The following POU3F3 variants were observed in gnomAD, a reference collection of about 807,000 sequenced individuals.
POU3F3 encodes POU class 3 homeobox 3.
In POU3F3, 1 loss-of-function variant was observed where a neutral mutation model predicts 8.6. The ratio of observed to expected loss-of-function variants is 0.12; its 90% CI spans 0.04 to 0.55. The LOEUF is 0.55. POU3F3 is among the 20% of genes least tolerant of loss of function. The pLI, the probability that POU3F3 is intolerant of heterozygous loss-of-function variation, is 0.91. For synonymous variants in POU3F3, 418 were observed against 327.4 expected (o/e 1.28, Z -2.99); for missense variants, 577 against 690.7 (o/e 0.84, Z 1.84).
chr2:104,923,327 T>G, the POU3F3 span, among the ~76,000 whole-genome samples: 1 of 152,228 alleles, frequency 6.6e-6, no homozygotes, highest in African/African-American at 2.4e-5. Flanking sequence ...TTTTAAAAAT[T>G]ATTTGTTTGG....
At chr2:104,921,432 TG>T in the POU3F3 span, among the ~76,000 whole-genome samples, 1 of 152,138 alleles carries the variant, frequency 6.6e-6, no homozygotes, top group Non-Finnish European at 1.5e-5. Flanking sequence ...TGCAATTTCC[TG>T]GGGGAAAGCT....
At chr2:104,873,428 CG>C in the POU3F3 span, among the ~76,000 whole-genome samples, 1 of 152,080 alleles carries the variant, frequency 6.6e-6, no homozygotes, top group Non-Finnish European at 1.5e-5. Flanking sequence ...CAGCTCCTCC[CG>C]TGAGCGCGCC....
the POU3F3 span, among the ~76,000 whole-genome samples, chr2:104,896,699 G>T: frequency 6.6e-6 from 1 of 152,184 alleles, no homozygotes; most frequent in African/African-American, 2.4e-5. Context: ...CCACGTCCTG[G>T]TCCCTTTCTC....
chr2:104,899,803 G>A, the POU3F3 span, among the ~76,000 whole-genome samples: 4 of 152,188 alleles, frequency 2.6e-5, no homozygotes, highest in Non-Finnish European at 5.9e-5. Flanking sequence ...TTTGGGCGCT[G>A]AACAGGGAGG....
the POU3F3 span, among the ~76,000 whole-genome samples, chr2:104,871,289 T>C: frequency 6.6e-6 from 1 of 152,206 alleles, no homozygotes; most frequent in African/African-American, 2.4e-5. Context: ...ATAAACTTTC[T>C]GAGAAAAATA....
chr2:104,887,439 C>T, the POU3F3 span, among the ~76,000 whole-genome samples: 5 of 152,178 alleles, frequency 3.3e-5, no homozygotes, highest in Non-Finnish European at 5.9e-5. Context: ...CAAGACATTA[C>T]TTCAGTTGCG....
the POU3F3 span, among the ~76,000 whole-genome samples, chr2:104,920,101 A>G: frequency 1.0e-3 from 153 of 151,904 alleles, no homozygotes; most frequent in African/African-American, 3.5e-3. Flanking sequence ...TGCAACCTCT[A>G]CCTCCCGGGT....
chr2:104,925,107 C>T, the POU3F3 span, among the ~76,000 whole-genome samples: 5 of 152,166 alleles, frequency 3.3e-5, no homozygotes, highest in African/African-American at 1.2e-4. Context: ...TCCTAGCCTA[C>T]CTTGGAGCAA....
chr2:104,873,556 C>A, the POU3F3 span, among the ~76,000 whole-genome samples: 3 of 152,212 alleles, frequency 2.0e-5, no homozygotes, highest in African/African-American at 7.2e-5. Context: ...CTCATACTCA[C>A]ACCCCACGGT....
chr2:104,857,168 G>C lies in POU3F3; in HGVS notation c.*155G>C. ...TGGGCCGCTCCGGGCTCCAGCCCAG[G>C]CCCATCCGCCGCCCTCCCCTCCACC... On this transcript the variant is annotated 3_prime_UTR_variant, in exon 1 of 1. Coordinates refer to ENST00000361360, the MANE Select transcript of POU3F3 (RefSeq NM_006236.3). The C allele has an allele frequency of 1.2e-6, 1 of 812,126 alleles. No homozygotes were observed. Among genetic ancestry groups the C allele is most frequent in the South Asian group, 5.3e-5 (1 of 18,706 alleles). The allele number at this position is 812,126 out of a possible 1,614,324, so 50.3% of individuals were successfully genotyped here. A position where few individuals can be genotyped will look rare whatever the true frequency, so the allele number is the denominator to read the frequency against.
the POU3F3 span, among the ~76,000 whole-genome samples, chr2:104,883,567 C>CT: frequency 2.0e-5 from 3 of 152,184 alleles, no homozygotes; most frequent in Non-Finnish European, 4.4e-5. Flanking sequence ...GCTTTGGACT[C>CT]TGTCCAGCTC....
rs964654881 is a variant in POU3F3, at chr2:104,856,217, C to G, written c.707C>G (p.Ala236Gly). 8.7e-6 allele frequency: 11 copies of G among 1,267,754 alleles called. No homozygotes were observed. Among genetic ancestry groups the G allele is most frequent in the Admixed American group, 8.6e-5 (2 of 23,256 alleles). The allele number at this position is 1,267,754 out of a possible 1,614,324, so 78.5% of individuals were successfully genotyped here. A position where few individuals can be genotyped will look rare whatever the true frequency, so the allele number is the denominator to read the frequency against. The stretch of plus-strand genomic sequence containing the variant: ...TTCACGGTGAACGGCATGCTGAGCG[C>G]GCCACCGGGGCCCGGCGGCGGCGGC... ...GGFTVNGMLS[A>G]PPGPGGGGGG... Residue 236 changes from alanine (A) to glycine (G), a missense_variant, in exon 1 of 1, where the codon GCG (alanine) becomes GGG (glycine). Physicochemically the swap from Ala to Gly is moderately conservative, Grantham distance 60 (BLOSUM62 0). Coordinates refer to ENST00000361360, the MANE Select transcript of POU3F3 (RefSeq NM_006236.3).
chr2:104,893,209 C>G, the POU3F3 span, among the ~76,000 whole-genome samples: 1 of 152,202 alleles, frequency 6.6e-6, no homozygotes, highest in Admixed American at 6.5e-5. Flanking sequence ...CTTCTGAAAA[C>G]AAAATAAACA....
the POU3F3 span, among the ~76,000 whole-genome samples, chr2:104,885,655 T>C: frequency 0.65 from 98,421 of 152,060 alleles, 32,364 homozygotes; most frequent in East Asian, 0.87. Flanking sequence ...AAGGAACCCT[T>C]AGTTCTGGGA....
the POU3F3 span, among the ~76,000 whole-genome samples, chr2:104,923,814 T>C: frequency 2.8e-3 from 429 of 152,154 alleles, 4 homozygotes; most frequent in East Asian, 3.5e-3. Context: ...ACCAAATAGG[T>C]TGAAAGTGAA....
chr2:104,872,415 C>T, the POU3F3 span: 1 of 440,200 alleles, frequency 2.3e-6, no homozygotes, highest in African/African-American at 2.0e-5. This position sits in a 1 kb window ranked among gnomAD's most constrained non-coding sequence, Gnocchi z 4.6. Flanking sequence ...GCTGCAGGGG[C>T]GAGAAATCCT....
the POU3F3 span, chr2:104,865,836 C>G: frequency 1.3e-5 from 2 of 152,086 alleles, no homozygotes; most frequent in Admixed American, 6.5e-5. Flanking sequence ...AACTCTCCTG[C>G]AGAGTTAAAA....
chr2:104,870,741 TCC>T, the POU3F3 span, among the ~76,000 whole-genome samples: 1 of 152,128 alleles, frequency 6.6e-6, no homozygotes, highest in Non-Finnish European at 1.5e-5. Flanking sequence ...AGAAATTTAT[TCC>T]CTTCCTCCCT....
chr2:104,920,215 A>G, the POU3F3 span, among the ~76,000 whole-genome samples: 1 of 152,284 alleles, frequency 6.6e-6, no homozygotes, highest in South Asian at 2.1e-4. Context: ...GGGTCTCACC[A>G]TGTTGGCCAG....
Sources: allele counts gnomAD v4.1 joint callset (sites outside exome capture counted in the v4.1 genomes callset), GRCh38; gene constraint gnomAD v4.1.1; non-coding constraint Gnocchi (gnomAD v3.1); transcripts MANE v1.5; gene names NCBI Gene and HGNC (gene_info 2026-07-23, HGNC 2026-07-21).